The following ENTREP2 variants were observed in gnomAD, a reference collection of about 807,000 sequenced individuals.
ENTREP2 encodes the protein protein ENTREP2.
the ENTREP2 span, among the ~76,000 whole-genome samples, chr15:29,400,235 T>G: frequency 6.6e-6 from 1 of 152,170 alleles, no homozygotes; most frequent in South Asian, 2.1e-4. Flanking sequence ...GACAAACAGC[T>G]TTCCTACATA....
At chr15:29,173,249 C>T in the ENTREP2 span, among the ~76,000 whole-genome samples, 1 of 152,180 alleles carries the variant, frequency 6.6e-6, no homozygotes, top group African/African-American at 2.4e-5. Context: ...GCTTTCTAAG[C>T]CAACCTGGGT....
the ENTREP2 span, among the ~76,000 whole-genome samples, chr15:29,223,328 G>A: frequency 6.6e-6 from 1 of 152,178 alleles, no homozygotes; most frequent in Non-Finnish European, 1.5e-5. Flanking sequence ...GGGCTGGAGA[G>A]AGTTTGTCTG....
chr15:29,597,660 A>C, the ENTREP2 span, among the ~76,000 whole-genome samples: 1 of 151,956 alleles, frequency 6.6e-6, no homozygotes, highest in Admixed American at 6.6e-5. Flanking sequence ...AATGTACCAT[A>C]GTTTGTTCAT....
chr15:29,384,654 CT>C, the ENTREP2 span, among the ~76,000 whole-genome samples: 3 of 152,180 alleles, frequency 2.0e-5, no homozygotes, highest in Non-Finnish European at 4.4e-5. Flanking sequence ...ACAGCAGCCA[CT>C]GTGTGACTCA....
At chr15:29,166,958 G>A in the ENTREP2 span, among the ~76,000 whole-genome samples, 4 of 152,150 alleles carry the variant, frequency 2.6e-5, no homozygotes, top group South Asian at 8.3e-4. Context: ...CATGGTACTA[G>A]TATAAAAATA....
At chr15:29,657,488 G>A in the ENTREP2 span, among the ~76,000 whole-genome samples, 16 of 121,746 alleles carry the variant, frequency 1.3e-4, 1 homozygote, top group Non-Finnish European at 1.9e-4. Context: ...GGGGGCGGGG[G>A]GGGGGGGTGG....
At chr15:29,618,153 G>A in the ENTREP2 span, among the ~76,000 whole-genome samples, 3 of 152,152 alleles carry the variant, frequency 2.0e-5, no homozygotes, top group Non-Finnish European at 2.9e-5. Context: ...GCCGGGCGTG[G>A]TAGCTCACGC....
chr15:29,220,536 G>A, the ENTREP2 span, among the ~76,000 whole-genome samples: 1 of 152,140 alleles, frequency 6.6e-6, no homozygotes, highest in African/African-American at 2.4e-5. Flanking sequence ...AGGAAGGAGA[G>A]GAGCTGCCGC....
the ENTREP2 span, among the ~76,000 whole-genome samples, chr15:29,247,674 A>G: frequency 6.6e-6 from 1 of 152,284 alleles, no homozygotes; most frequent in South Asian, 2.1e-4. Context: ...CACCCAGCAT[A>G]CATGTCCAGC....
At chr15:29,386,440 G>A in the ENTREP2 span, among the ~76,000 whole-genome samples, 7 of 152,332 alleles carry the variant, frequency 4.6e-5, no homozygotes, top group Non-Finnish European at 1.0e-4. Context: ...GCCCGGTGAG[G>A]CGGATAAGGG....
chr15:29,639,822 G>A, the ENTREP2 span, among the ~76,000 whole-genome samples: 1 of 148,882 alleles, frequency 6.7e-6, no homozygotes, highest in Non-Finnish European at 1.5e-5. Flanking sequence ...AGGCTGGAGT[G>A]CAATGGCATA....
chr15:29,277,490 T>C, the ENTREP2 span, among the ~76,000 whole-genome samples: 1 of 152,158 alleles, frequency 6.6e-6, no homozygotes, highest in Admixed American at 6.5e-5. Flanking sequence ...AGACAATGTT[T>C]CTATGGAAGG....
chr15:29,309,260 C>T, the ENTREP2 span, among the ~76,000 whole-genome samples: 278 of 152,204 alleles, frequency 1.8e-3, 1 homozygote, highest in African/African-American at 6.1e-3. Flanking sequence ...TCAGAGTAAT[C>T]CCTTTTAAAA....
the ENTREP2 span, among the ~76,000 whole-genome samples, chr15:29,395,560 C>G: frequency 6.8e-6 from 1 of 147,844 alleles, no homozygotes; most frequent in East Asian, 2.0e-4. Context: ...GACAGGGTCT[C>G]ACTCTCACCT....
the ENTREP2 span, among the ~76,000 whole-genome samples, chr15:29,136,870 T>C: frequency 1.3e-5 from 2 of 152,292 alleles, no homozygotes; most frequent in East Asian, 1.9e-4. Flanking sequence ...TCGGGTTGCG[T>C]TGCAAAGGTG....
chr15:29,481,303 G>A, the ENTREP2 span, among the ~76,000 whole-genome samples: 1 of 152,146 alleles, frequency 6.6e-6, no homozygotes, highest in Admixed American at 6.5e-5. Flanking sequence ...AATATCTGGG[G>A]GTGGGGCCTG....
At chr15:29,396,321 C>CT in the ENTREP2 span, among the ~76,000 whole-genome samples, 21,398 of 146,888 alleles carry the variant, frequency 0.15, 2,460 homozygotes, top group African/African-American at 0.31. Flanking sequence ...ATGAGTTTGA[C>CT]TTTTTTTTTT....
chr15:29,271,599 T>G, the ENTREP2 span, among the ~76,000 whole-genome samples: 2 of 152,188 alleles, frequency 1.3e-5, no homozygotes, highest in Admixed American at 1.3e-4. Flanking sequence ...AGAAGAACAT[T>G]GTATAAAGAA....
the ENTREP2 span, chr15:29,252,408 T>C: frequency 6.4e-7 from 1 of 1,551,168 alleles, no homozygotes. Flanking sequence ...CTGAGCATTC[T>C]GACAAGAGAG....
Sources: allele counts gnomAD v4.1 joint callset (sites outside exome capture counted in the v4.1 genomes callset), GRCh38; gene constraint gnomAD v4.1.1; transcripts MANE v1.5; gene names NCBI Gene and HGNC (gene_info 2026-07-23, HGNC 2026-07-21).